Variants in MFHAS1 observed in about 807,000 individuals in gnomAD.
MFHAS1 encodes the protein malignant fibrous histiocytoma-amplified sequence 1.
A neutral mutation model predicts 70.4 loss-of-function variants in MFHAS1; 50 were observed. The ratio of observed to expected loss-of-function variants is 0.71; its 90% CI spans 0.57 to 0.90. The LOEUF is 0.90. MFHAS1 is among the 40% of genes least tolerant of loss of function. The pLI is 0.00. For synonymous variants in MFHAS1, 952 were observed against 620.0 expected, an observed-to-expected ratio of 1.54 and a Z score of -7.96; for missense variants, 1,795 against 1,347.6, an observed-to-expected ratio of 1.33 and a Z score of -5.20.
At chr8:8,791,897 C>A (rs1248710032) in intron 2 of MFHAS1, among the ~76,000 whole-genome samples, 1 of 152,146 alleles carries the variant, frequency 6.6e-6, no homozygotes, top group Non-Finnish European at 1.5e-5. Context: ...TAAGCCACTG[C>A]CTTTAGACTG....
At chr8:8,800,819 C>G (rs779763901) in intron 1 of MFHAS1, among the ~76,000 whole-genome samples, 2 of 152,118 alleles carry the variant, frequency 1.3e-5, no homozygotes, top group Admixed American at 6.5e-5. Context: ...CAGCAGATGC[C>G]AAGCCCCTGT....
At chr8:8,865,861 T>A (rs1239327984) in intron 1 of MFHAS1, among the ~76,000 whole-genome samples, 1 of 152,226 alleles carries the variant, frequency 6.6e-6, no homozygotes, top group Non-Finnish European at 1.5e-5. Flanking sequence ...TGGTGTCTAT[T>A]ATTTCTCTCA....
chr8:8,854,419 G>T (rs1186731135), intron 1 of MFHAS1, among the ~76,000 whole-genome samples: 1 of 152,138 alleles, frequency 6.6e-6, no homozygotes, highest in Non-Finnish European at 1.5e-5. Flanking sequence ...TACTCCGGAG[G>T]CTGAGGCAGG....
intron 1 of MFHAS1, among the ~76,000 whole-genome samples, chr8:8,801,531 G>A (rs768230540): frequency 6.6e-6 from 1 of 152,202 alleles, no homozygotes; most frequent in Non-Finnish European, 1.5e-5. Context: ...TAAGAAACGT[G>A]CACAGTTCCT....
At chr8:8,882,368 G>A (rs986882317) in intron 1 of MFHAS1, among the ~76,000 whole-genome samples, 3 of 152,042 alleles carry the variant, frequency 2.0e-5, no homozygotes, top group East Asian at 3.9e-4. Flanking sequence ...CCAGCCTGGA[G>A]ACAGAGCGAG....
At chr8:8,787,074 GTAT>G (rs201816102) in intron 2 of MFHAS1, among the ~76,000 whole-genome samples, 5 of 124,866 alleles carry the variant, frequency 4.0e-5, no homozygotes, top group African/African-American at 6.2e-5. Context: ...ATCTTACTCA[GTAT>G]TATTATTATT....
At chr8:8,797,309 T>A in intron 2 of MFHAS1, 56 bp downstream of exon 2, 1 of 1,600,412 alleles carries the variant, frequency 6.2e-7, no homozygotes, top group Non-Finnish European at 8.5e-7. Flanking sequence ...TGGTCATATC[T>A]ATGGAGCTGG....
At chr8:8,825,336 CT>C (rs1349992279) in intron 1 of MFHAS1, among the ~76,000 whole-genome samples, 2 of 152,182 alleles carry the variant, frequency 1.3e-5, no homozygotes, top group African/African-American at 4.8e-5. Flanking sequence ...CCACACTCAG[CT>C]AATTTTTGTG....
intron 1 of MFHAS1, among the ~76,000 whole-genome samples, chr8:8,862,122 T>C (rs548337724): frequency 6.6e-6 from 1 of 152,370 alleles, no homozygotes; most frequent in East Asian, 1.9e-4. Flanking sequence ...TTTCCCCAAA[T>C]GCTGTATCAT....
In MFHAS1 at chr8:8,890,456, G is replaced by A. The variant is rs766106507; in HGVS notation, c.2603C>T (p.Thr868Ile). 1 of 1,613,908 alleles carries A rather than the reference G, an allele frequency of 6.2e-7. No homozygotes were observed. Among genetic ancestry groups the A allele is most frequent in the South Asian group, 1.1e-5 (1 of 91,086 alleles). The change falls in exon 1 of 3, where the codon ACC becomes ATC. Residue 868 changes from threonine (T) to isoleucine (I), a missense_variant. Physicochemically the swap from Thr to Ile is moderately conservative, Grantham distance 89. Transcript: ENST00000276282. The stretch of plus-strand genomic sequence containing the variant: ...CACAAAAGACTGCCCAGCTAGGTTG[G>A]TCCCATTAATCCAGGCTTCTGCATG... Reference protein sequence around the residue: ...VPHAEAWINGTNLAGQSFVAE... With the variant: ...VPHAEAWINGINLAGQSFVAE...
At chr8:8,879,867 T>TA (rs1036264886) in intron 1 of MFHAS1, among the ~76,000 whole-genome samples, 21 of 152,336 alleles carry the variant, frequency 1.4e-4, no homozygotes, top group African/African-American at 5.0e-4. Flanking sequence ...GGTAATCATC[T>TA]ACATTTGTAT....
intron 1 of MFHAS1, among the ~76,000 whole-genome samples, chr8:8,838,937 T>A (rs1195117354): frequency 6.6e-6 from 1 of 152,210 alleles, no homozygotes; most frequent in Non-Finnish European, 1.5e-5. Context: ...AGCAAAGGCA[T>A]GTACCATTTT....
intron 2 of MFHAS1, among the ~76,000 whole-genome samples, chr8:8,792,733 T>C (rs1203835204): frequency 6.6e-6 from 1 of 152,184 alleles, no homozygotes; most frequent in African/African-American, 2.4e-5. Context: ...GTTCTAAAAT[T>C]AGATTGTGGT....
intron 1 of MFHAS1, among the ~76,000 whole-genome samples, chr8:8,846,261 A>AGG (rs370241850): frequency 2.0e-4 from 12 of 61,174 alleles, no homozygotes; most frequent in Non-Finnish European, 3.8e-4. Flanking sequence ...TCCAAAAAAA[A>AGG]GGGGGGGGGG....
At chr8:8,884,944 C>A (rs921336937) in intron 1 of MFHAS1, among the ~76,000 whole-genome samples, 1 of 151,918 alleles carries the variant, frequency 6.6e-6, no homozygotes, top group Non-Finnish European at 1.5e-5. Context: ...CAGAGTGAGA[C>A]CCTGCCCCCA....
intron 1 of MFHAS1, chr8:8,821,946 G>C (rs1039913): frequency 0.79 from 120,332 of 152,322 alleles, 47,643 homozygotes; most frequent in East Asian, 0.9. Flanking sequence ...GCAGCGGGTC[G>C]CTCGACAAAT....
chr8:8,845,560 G>C (rs1196694732), intron 1 of MFHAS1, among the ~76,000 whole-genome samples: 1 of 152,028 alleles, frequency 6.6e-6, no homozygotes, highest in East Asian at 1.9e-4. Context: ...CCTGCTGGGG[G>C]GCCCATGGCA....
At chr8:8,867,721 C>T (rs1308667317) in intron 1 of MFHAS1, among the ~76,000 whole-genome samples, 1 of 152,002 alleles carries the variant, frequency 6.6e-6, no homozygotes, top group Non-Finnish European at 1.5e-5. Flanking sequence ...CCACACCCGG[C>T]TAATTTTTTG....
chr8:8,892,447 C>G lies in MFHAS1; in HGVS notation c.612G>C (p.Val204=), dbSNP rs755606448. 1.2e-6 allele frequency: 2 copies of G among 1,611,220 alleles called. No individual in the cohort carries two copies. Among genetic ancestry groups the G allele is most frequent in the African/African-American group, 1.3e-5 (1 of 74,808 alleles). ...TAFPRQLLQL[V]ALEELDVSSN... is the part of the protein sequence containing the mutation. ...TGGACACGTCCAGCTCCTCCAGGGC[C>G]ACCAGCTGCAGCAGCTGCCGGGGGA... is the stretch of plus-strand genomic sequence containing the variant. Residue 204 remains valine (V), a synonymous_variant, in exon 1 of 3, where the codon GTG becomes GTC. Coordinates refer to ENST00000276282, the MANE Select transcript of MFHAS1 (RefSeq NM_004225.3). The surrounding 1 kb of genome is among the most constrained non-coding windows in gnomAD (Gnocchi z 4.7).
Sources: allele counts gnomAD v4.1 joint callset (sites outside exome capture counted in the v4.1 genomes callset), GRCh38; gene constraint gnomAD v4.1.1; non-coding constraint Gnocchi (gnomAD v3.1); transcripts MANE v1.5; gene names NCBI Gene and HGNC (gene_info 2026-07-23, HGNC 2026-07-21).